Variants in CADPS2 observed in about 807,000 individuals in gnomAD.
CADPS2 encodes the protein calcium-dependent secretion activator 2.
A neutral mutation model predicts 172.5 loss-of-function variants in CADPS2; 93 were observed. That is an observed-to-expected ratio of 0.54 (90% confidence interval 0.46 to 0.64). CADPS2 has a LOEUF of 0.64. Among genes scored for constraint, CADPS2 ranks in the 30% least tolerant of loss-of-function variants. The pLI is 0.00. For synonymous variants in CADPS2, 546 were observed against 555.2 expected (o/e 0.98, Z 0.23); for missense variants, 1,420 against 1,565.9 (o/e 0.91, Z 1.57).
At chr7:122,865,963 G>A (rs1818208741) in intron 1 of CADPS2, among the ~76,000 whole-genome samples, 2 of 152,174 alleles carry the variant, frequency 1.3e-5, no homozygotes, top group Admixed American at 6.5e-5. Context: ...ATGAATGAAG[G>A]AAAGTGGTGT....
chr7:122,651,746 T>C (rs2079169071), intron 3 of CADPS2, among the ~76,000 whole-genome samples: 2 of 152,140 alleles, frequency 1.3e-5, no homozygotes, highest in South Asian at 4.1e-4. Context: ...AAAAGATTAA[T>C]GAAAGCTGCT....
At chr7:122,577,001 T>A (rs2068139080) in intron 7 of CADPS2, among the ~76,000 whole-genome samples, 1 of 152,030 alleles carries the variant, frequency 6.6e-6, no homozygotes, top group South Asian at 2.1e-4. Context: ...CCTCAGGTGA[T>A]CCCCCTGCCT....
intron 6 of CADPS2, among the ~76,000 whole-genome samples, chr7:122,613,529 A>G (rs1039342381): frequency 6.6e-6 from 1 of 152,230 alleles, no homozygotes; most frequent in South Asian, 2.1e-4. Flanking sequence ...CGTTTCTCAG[A>G]ATGTATCCCT....
At chr7:122,333,621 T>C (rs1209679391) in intron 28 of CADPS2, among the ~76,000 whole-genome samples, 2 of 152,208 alleles carry the variant, frequency 1.3e-5, no homozygotes, top group African/African-American at 4.8e-5. Context: ...CAATCATTCA[T>C]TATCTCTGCT....
intron 2 of CADPS2, chr7:122,697,885 G>A (rs1163596960): frequency 1.2e-6 from 2 of 1,613,386 alleles, no homozygotes; most frequent in Admixed American, 1.7e-5. Flanking sequence ...TTTATCTGAG[G>A]TTCCTGCAGG....
At chr7:122,384,292 T>A (rs2043360616) in intron 24 of CADPS2, among the ~76,000 whole-genome samples, 1 of 152,110 alleles carries the variant, frequency 6.6e-6, no homozygotes, top group Non-Finnish European at 1.5e-5. Context: ...GAAAGTTTTA[T>A]CCCAGCGATG....
At chr7:122,644,497 C>T (rs184185594) in intron 3 of CADPS2, among the ~76,000 whole-genome samples, 98 of 152,216 alleles carry the variant, frequency 6.4e-4, no homozygotes, top group African/African-American at 2.1e-3. Flanking sequence ...TTATATATTT[C>T]ACCTTACCCT....
chr7:122,750,214 GCCA>G (rs2092893702), intron 1 of CADPS2, among the ~76,000 whole-genome samples: 1 of 152,060 alleles, frequency 6.6e-6, no homozygotes, highest in Non-Finnish European at 1.5e-5. Flanking sequence ...AGATAGGGGT[GCCA>G]AATTAAATAC....
rs866282541 is a variant in CADPS2, at chr7:122,320,096, G to C, written c.*69C>G. On this transcript the variant is annotated 3_prime_UTR_variant, in exon 30 of 30. Coordinates refer to ENST00000449022, the MANE Select transcript of CADPS2 (RefSeq NM_017954.11). ...AAACAAACAATGAATGTAATTACAA[G>C]GACAAGGTTAAAAAAATAAAAAACA... is the stretch of plus-strand genomic sequence containing the variant. 1.5e-6 allele frequency: 2 copies of C among 1,340,436 alleles called. No homozygotes were observed. Among genetic ancestry groups the C allele is most frequent in the Middle Eastern group, 2.0e-4 (1 of 5,060 alleles). The allele number at this position is 1,340,436 out of a possible 1,614,324, so 83.0% of individuals were successfully genotyped here.
chr7:122,634,294 C>T (rs1277065675), intron 3 of CADPS2, among the ~76,000 whole-genome samples: 1 of 152,046 alleles, frequency 6.6e-6, no homozygotes, highest in East Asian at 1.9e-4. Flanking sequence ...TAAGAAGCTG[C>T]TATTTCAGGG....
chr7:122,656,463 A>C (rs775817584), intron 3 of CADPS2, among the ~76,000 whole-genome samples: 3 of 152,126 alleles, frequency 2.0e-5, no homozygotes, highest in Non-Finnish European at 4.4e-5. Context: ...ACAGGACTTC[A>C]AAAAAAGAGA....
chr7:122,702,727 A>AG (rs751088939), intron 2 of CADPS2: 2 of 1,608,362 alleles, frequency 1.2e-6, no homozygotes, highest in African/African-American at 1.3e-5. Context: ...TATGCGTCGA[A>AG]GGGGTAATTC....
intron 3 of CADPS2, among the ~76,000 whole-genome samples, chr7:122,638,671 G>A (rs1034940531): frequency 6.6e-6 from 1 of 152,148 alleles, no homozygotes; most frequent in Non-Finnish European, 1.5e-5. Context: ...GGAGTCATGG[G>A]GTTTTTCACA....
intron 3 of CADPS2, among the ~76,000 whole-genome samples, chr7:122,643,560 TCTCACAATGAC>T (rs1298587751): frequency 1.3e-5 from 2 of 152,216 alleles, no homozygotes; most frequent in African/African-American, 2.4e-5. Context: ...CTTTCAAGCA[TCTCACAATGAC>T]CTCAAACTAA....
At chr7:122,626,409 T>C (rs963238000) in intron 4 of CADPS2, among the ~76,000 whole-genome samples, 1 of 152,122 alleles carries the variant, frequency 6.6e-6, no homozygotes, top group African/African-American at 2.4e-5. Flanking sequence ...CCTGATAAGT[T>C]TTGCATGAGG....
chr7:122,594,877 T>TA (rs2071502744), intron 6 of CADPS2, among the ~76,000 whole-genome samples: 1 of 151,878 alleles, frequency 6.6e-6, no homozygotes, highest in Non-Finnish European at 1.5e-5. Context: ...CCAAGATTTT[T>TA]AAAAACTTAC....
Position 122,435,780 on chromosome 7 carries a change from G to A in CADPS2, c.2476+2561C>T, listed in dbSNP as rs576927419. On this transcript the variant is annotated intron_variant, in intron 17 of 29. Transcript: ENST00000449022. ...CTAAATGTTCATTGAGAGATGAATG[G>A]ATGAAGAAAATGCATAATATACATA... Among the ~76,000 whole-genome samples the A allele has an allele frequency of 1.4e-4, 21 of 152,196 alleles. No homozygotes were observed. In the South Asian group the frequency reaches 4.4e-3, roughly 32 times the overall value.
intron 22 of CADPS2, among the ~76,000 whole-genome samples, chr7:122,392,991 C>T (rs1197484894): frequency 1.3e-5 from 2 of 151,856 alleles, no homozygotes; most frequent in Non-Finnish European, 2.9e-5. Context: ...ATTAAACTAG[C>T]GTGTTTTTTC....
chr7:122,792,232 A>G (rs981695382), intron 1 of CADPS2, among the ~76,000 whole-genome samples: 2 of 152,176 alleles, frequency 1.3e-5, no homozygotes, highest in African/African-American at 4.8e-5. Context: ...TCCTCCCCCA[A>G]AATTCATGTG....
Sources: allele counts gnomAD v4.1 joint callset (sites outside exome capture counted in the v4.1 genomes callset), GRCh38; gene constraint gnomAD v4.1.1; transcripts MANE v1.5; gene names NCBI Gene and HGNC (gene_info 2026-07-23, HGNC 2026-07-21).